UIMC1: variants seen among roughly 807,000 people sequenced by gnomAD.
UIMC1 encodes the protein BRCA1-A complex subunit RAP80.
UIMC1 carries 42 observed loss-of-function variants against 84.9 expected under a neutral mutation model. That is an observed-to-expected ratio of 0.49 (90% CI 0.39 to 0.64). The LOEUF (loss-of-function observed/expected upper bound fraction) is 0.64. Ranked by LOEUF, UIMC1 falls within the 30% of genes least tolerant of loss-of-function variation. UIMC1 has a pLI of 0.00. For synonymous variants in UIMC1, 281 were observed against 293.0 expected, an observed-to-expected ratio of 0.96 and a Z score of 0.42; for missense variants, 825 against 847.6, an observed-to-expected ratio of 0.97 and a Z score of 0.33.
intron 6 of UIMC1, among the ~76,000 whole-genome samples, chr5:176,963,191 A>G (rs1434892572): frequency 1.3e-5 from 2 of 148,992 alleles, no homozygotes; most frequent in Admixed American, 1.3e-4. Context: ...AAAAAAATTC[A>G]AAGAATTATT....
chr5:176,945,179 C>T (rs551166655), intron 9 of UIMC1, among the ~76,000 whole-genome samples: 1 of 152,334 alleles, frequency 6.6e-6, no homozygotes, highest in East Asian at 1.9e-4. Flanking sequence ...ATTTATTCTT[C>T]TTCTCTACAA....
intron 10 of UIMC1, among the ~76,000 whole-genome samples, chr5:176,941,283 T>C (rs760828208): frequency 6.6e-6 from 1 of 152,126 alleles, no homozygotes; most frequent in Non-Finnish European, 1.5e-5. Context: ...CGTCAAAAAT[T>C]TATCTGCACA....
At chr5:176,931,130 T>C (rs1214151865) in intron 10 of UIMC1, among the ~76,000 whole-genome samples, 1 of 152,180 alleles carries the variant, frequency 6.6e-6, no homozygotes, top group Non-Finnish European at 1.5e-5. Flanking sequence ...AATTTCATCA[T>C]CAGTAAAATG....
At chr5:176,990,683 T>C (rs577929688) in intron 1 of UIMC1, among the ~76,000 whole-genome samples, 28 of 152,306 alleles carry the variant, frequency 1.8e-4, no homozygotes, top group African/African-American at 6.7e-4. Context: ...TTTATGTTTT[T>C]GTTTCTTGAG....
chr5:177,010,964 G>A (rs917081541), upstream of UIMC1, among the ~76,000 whole-genome samples: 2 of 152,078 alleles, frequency 1.3e-5, no homozygotes, highest in African/African-American at 2.4e-5. Flanking sequence ...AGGCAAAGGT[G>A]GGGAGATCAC....
intron 1 of UIMC1, among the ~76,000 whole-genome samples, chr5:177,003,498 CA>C (rs1191586538): frequency 6.6e-6 from 1 of 152,024 alleles, no homozygotes; most frequent in Non-Finnish European, 1.5e-5. Flanking sequence ...ACTAAAAATA[CA>C]AAAATTACCC....
At chr5:176,928,512 A>G (rs934834040) in intron 10 of UIMC1, among the ~76,000 whole-genome samples, 5 of 152,372 alleles carry the variant, frequency 3.3e-5, no homozygotes, top group Non-Finnish European at 5.9e-5. Context: ...ACTCTTCTGT[A>G]AATTAAAAGA....
At chr5:177,001,492 T>C (rs1385485186) in intron 1 of UIMC1, 1 of 152,194 alleles carries the variant, frequency 6.6e-6, no homozygotes, top group Non-Finnish European at 1.5e-5. Context: ...TGTTGTTTTT[T>C]TTCTTCAACC....
chr5:177,008,694 C>A (rs77656225), upstream of UIMC1, among the ~76,000 whole-genome samples: 13 of 152,272 alleles, frequency 8.5e-5, no homozygotes, highest in East Asian at 2.3e-3. Context: ...CACAGGCTGG[C>A]AACCACACTC....
chr5:176,945,628 G>T (rs1004842378), intron 9 of UIMC1, among the ~76,000 whole-genome samples: 1 of 152,140 alleles, frequency 6.6e-6, no homozygotes, highest in African/African-American at 2.4e-5. Flanking sequence ...AATGGAATGC[G>T]ACCCTTGTGG....
At chr5:176,966,990 C>T (rs1270390419) in intron 6 of UIMC1, among the ~76,000 whole-genome samples, 2 of 152,138 alleles carry the variant, frequency 1.3e-5, no homozygotes, top group South Asian at 2.1e-4. Flanking sequence ...CACTGAGACG[C>T]CATTTTTCAT....
At position 176,999,176 on chromosome 5, in the gene UIMC1, AAAT is replaced by A. The variant is rs913366803; in HGVS notation, c.-9+7471_-9+7473del. On this transcript the variant is annotated intron_variant, in intron 1 of 14. Transcript: ENST00000511320. Reference sequence around the variant, plus strand: ...ACAGAGCAAGATCCTGTCTCAGAAAAAATAATAATAATAATCCTCAAAAAAATC... The same window carrying A: ...ACAGAGCAAGATCCTGTCTCAGAAAAAATAATAATAATCCTCAAAAAAATC... Among the ~76,000 whole-genome samples, 15 of 152,142 alleles carry A rather than the reference AAAT, an allele frequency of 9.9e-5. 1 individual carries two copies. The highest frequency in any genetic ancestry group is 1.4e-4 in the African/African-American group (6 of 41,420).
At chr5:176,948,886 C>T (rs766494691) in intron 9 of UIMC1, among the ~76,000 whole-genome samples, 3 of 152,134 alleles carry the variant, frequency 2.0e-5, no homozygotes, top group African/African-American at 4.8e-5. Flanking sequence ...AGTCCACACC[C>T]TTTATACTAT....
Position 176,911,404 on chromosome 5 carries a change from A to AATAT in UIMC1, c.1598-19_1598-16dup. 6.6e-7 allele frequency: 1 copy of AATAT among 1,520,222 alleles called. No individual in the cohort carries two copies. The highest frequency in any genetic ancestry group is 1.8e-5 in the Admixed American group (1 of 54,306). The allele number at this position is 1,520,222 out of a possible 1,614,324, so 94.2% of individuals were successfully genotyped here. On this transcript the variant is annotated splice_polypyrimidine_tract_variant and intron_variant, in intron 10 of 14. Transcript: ENST00000511320. Reference sequence around the variant, plus strand: ...CCGAGTCAATACTTTTAATATAAAAAATATATATATATACACATAGTTAGC... The same window carrying AATAT: ...CCGAGTCAATACTTTTAATATAAAAAATATATATATATATATACACATAGTTAGC...
chr5:176,905,339 G>GAC lies in UIMC1; in HGVS notation c.2101_2102dup (p.Gln702SerfsTer27), dbSNP rs1258220598. On this transcript the variant is annotated frameshift_variant, in exon 15 of 15. Transcript: ENST00000511320. LOFTEE classifies it high-confidence loss of function. Reference sequence around the variant, plus strand: ...TGGTCCGTGTCCGACTACCTGGCTGGACAGTAACTTGCTTTTTAAAGTCCA... The same window carrying GAC: ...TGGTCCGTGTCCGACTACCTGGCTGGACACAGTAACTTGCTTTTTAAAGTCCA... The GAC allele has an allele frequency of 3.7e-6, 6 of 1,613,954 alleles. No homozygotes were observed. The highest frequency in any genetic ancestry group is 5.1e-6 in the Non-Finnish European group (6 of 1,179,996).
intron 9 of UIMC1, among the ~76,000 whole-genome samples, chr5:176,943,736 A>G (rs1055530164): frequency 2.6e-5 from 4 of 152,204 alleles, no homozygotes; most frequent in African/African-American, 9.7e-5. Context: ...TATATTACTC[A>G]TTTATATGTA....
chr5:176,984,627 C>T (rs947662584), intron 1 of UIMC1, among the ~76,000 whole-genome samples: 1 of 151,842 alleles, frequency 6.6e-6, no homozygotes, highest in South Asian at 2.1e-4. Flanking sequence ...GCCATGATGA[C>T]GATGGCGGTT....
At chr5:176,926,552 G>T (rs1257133067) in intron 10 of UIMC1, among the ~76,000 whole-genome samples, 2 of 152,046 alleles carry the variant, frequency 1.3e-5, no homozygotes, top group African/African-American at 4.8e-5. Flanking sequence ...TGGGAGGACT[G>T]CTGGAGCCCA....
chr5:176,989,945 C>T (rs913278681), intron 1 of UIMC1, among the ~76,000 whole-genome samples: 3 of 151,996 alleles, frequency 2.0e-5, no homozygotes, highest in Admixed American at 1.3e-4. Context: ...CTTTGGGAGG[C>T]CGAGGCAGGC....
Sources: gnomAD v4.1 joint callset for allele counts (sites outside exome capture counted in the v4.1 genomes callset) on GRCh38, gnomAD v4.1.1 for gene constraint, MANE v1.5 for transcripts, NCBI Gene and HGNC (gene_info 2026-07-23, HGNC 2026-07-21) for gene names.